CDH23: variants seen among roughly 807,000 people sequenced by gnomAD.
CDH23 encodes the protein cadherin related 23, also known as cadherin-23.
CDH23 carries 189 observed loss-of-function variants against 317.1 expected under a neutral mutation model. The ratio of observed to expected loss-of-function variants is 0.60; its 90% CI spans 0.53 to 0.67. The LOEUF is 0.67. CDH23 is among the 30% of genes least tolerant of loss of function. The pLI, the probability that CDH23 is intolerant of heterozygous loss-of-function variation, is 0.00. For missense variants in CDH23, 4,401 were observed against 4,592.4 expected (o/e 0.96, Z 1.20); for synonymous variants, 1,839 against 1,876.8 (o/e 0.98, Z 0.52).
At chr10:71,648,902 AACAGCTCTC>A (rs1380283987) in intron 14 of CDH23, among the ~76,000 whole-genome samples, 1 of 152,138 alleles carries the variant, frequency 6.6e-6, no homozygotes, top group Non-Finnish European at 1.5e-5. Flanking sequence ...TTCATCAGGT[AACAGCTCTC>A]ACAGCAGGAC....
chr10:71,620,201 C>A (rs1861395923), intron 11 of CDH23, among the ~76,000 whole-genome samples: 2 of 152,130 alleles, frequency 1.3e-5, no homozygotes, highest in Admixed American at 6.5e-5. Flanking sequence ...GACTTCTACC[C>A]AATGACTATT....
At position 71,712,964 on chromosome 10, in the gene CDH23, G is replaced by A. The variant is rs987212460; in HGVS notation, c.3369+151G>A. On this transcript the variant is annotated intron_variant, in intron 28 of 69. Coordinates refer to ENST00000224721, the MANE Select transcript of CDH23 (RefSeq NM_022124.6). ...GCTCTGGAAGGTGCTGTGGGGAAAG[G>A]GGGACCCAGGCCCTCTCCCATCCCA... 89 of 938,822 alleles carry A rather than the reference G, an allele frequency of 9.5e-5. 1 individual carries two copies. Among genetic ancestry groups the A allele is most frequent in the Non-Finnish European group, 5.0e-6 (3 of 597,404 alleles). 58.2% of individuals were successfully genotyped at this position (938,822 alleles called of 1,614,324 possible).
At chr10:71,732,516 C>A (rs1338375487) in intron 32 of CDH23, 141 bp downstream of exon 32, 33 of 1,367,712 alleles carry the variant, frequency 2.4e-5, no homozygotes, top group South Asian at 5.6e-5. Flanking sequence ...CCTGTAGTCC[C>A]AGCTGCTTGA....
chr10:71,712,945 G>A, intron 28 of CDH23, 132 bp downstream of exon 28: 2 of 1,097,156 alleles, frequency 1.8e-6, no homozygotes, highest in South Asian at 2.7e-5. Flanking sequence ...CGCTGCTCTG[G>A]AAGGTGCTGT....
In CDH23 at chr10:71,725,575, C is replaced by A. The variant is rs1460089933; in HGVS notation, c.3579+55C>A. On this transcript the variant is annotated intron_variant, in intron 30 of 69. Transcript: ENST00000224721. The stretch of plus-strand genomic sequence containing the variant: ...CCTCAGGACGGGGCCAAGCCCACAG[C>A]TAGAACAGAGAAGGCCATTAGTTGG... 6 of 1,569,832 alleles carry A rather than the reference C, an allele frequency of 3.8e-6. No individual in the cohort carries two copies. The African/African-American group carries it at 6.8e-5, about 18-fold the overall frequency.
At chr10:71,426,933 T>TCA (rs1849102975) in intron 1 of CDH23, among the ~76,000 whole-genome samples, 1 of 151,538 alleles carries the variant, frequency 6.6e-6, no homozygotes, top group Non-Finnish European at 1.5e-5. Flanking sequence ...ATTGCTTGAG[T>TCA]CCAGGAGTTT....
chr10:71,671,411 G>C (rs1332034639), intron 14 of CDH23, among the ~76,000 whole-genome samples: 1 of 152,148 alleles, frequency 6.6e-6, no homozygotes. Context: ...AACATTGCAG[G>C]GAAGGGGGTG....
In CDH23 at chr10:71,412,752, A is replaced by G. The variant is rs186940642; in HGVS notation, c.-6+15434A>G. Among the ~76,000 whole-genome samples the G allele has an allele frequency of 4.6e-5, 7 of 152,220 alleles. No individual in the cohort carries two copies. In the East Asian group the frequency reaches 1.4e-3, roughly 29 times the overall value. On this transcript the variant is annotated intron_variant, in intron 1 of 69. Transcript: ENST00000224721. ...CTGTGGTTTTGATTTGCATTTCCCTAATGGCTAGTGATGTTGAGCATCTTT... is the reference window on the plus strand; with the variant it reads ...CTGTGGTTTTGATTTGCATTTCCCTGATGGCTAGTGATGTTGAGCATCTTT...
In CDH23 at chr10:71,705,142, C is replaced by T; in HGVS notation, c.2953+12C>T. 1.2e-6 allele frequency: 2 copies of T among 1,604,398 alleles called. No homozygotes were observed. The highest frequency in any genetic ancestry group is 2.2e-5 in the South Asian group (2 of 90,532). ...GCTCACCATCCATGGTGAGGGGGCG[C>T]AGGGGCTTCTGCTGTGTGCTCAGTG... On this transcript the variant is annotated intron_variant, in intron 25 of 69. Coordinates refer to ENST00000224721, the MANE Select transcript of CDH23 (RefSeq NM_022124.6).
At chr10:71,689,586 C>A (rs748481621) in intron 19 of CDH23, among the ~76,000 whole-genome samples, 1 of 152,200 alleles carries the variant, frequency 6.6e-6, no homozygotes, top group Non-Finnish European at 1.5e-5. Flanking sequence ...CCTTGCCCCT[C>A]GGGACTGCTG....
chr10:71,433,479 T>C (rs1182932522), intron 1 of CDH23, among the ~76,000 whole-genome samples: 3 of 152,160 alleles, frequency 2.0e-5, no homozygotes, highest in African/African-American at 7.2e-5. Flanking sequence ...TTGGGAGCCC[T>C]GCTGATCTTG....
chr10:71,453,919 A>G (rs1850567172), intron 3 of CDH23, among the ~76,000 whole-genome samples: 2 of 152,216 alleles, frequency 1.3e-5, no homozygotes, highest in South Asian at 4.1e-4. Context: ...ATAGCCTGAT[A>G]GATATCAGCT....
At chr10:71,441,256 C>T (rs893726458) in intron 2 of CDH23, among the ~76,000 whole-genome samples, 2 of 152,164 alleles carry the variant, frequency 1.3e-5, no homozygotes, top group African/African-American at 4.8e-5. Context: ...CGCTCCCCCC[C>T]TGCCTCATGT....
chr10:71,671,811 C>T (rs779124637), intron 14 of CDH23, among the ~76,000 whole-genome samples: 3 of 152,202 alleles, frequency 2.0e-5, no homozygotes, highest in Admixed American at 6.5e-5. Flanking sequence ...CACTGCGCCT[C>T]TGTTTCCTCA....
chr10:71,600,364 G>A (rs1223314108), intron 9 of CDH23, among the ~76,000 whole-genome samples: 1 of 151,952 alleles, frequency 6.6e-6, no homozygotes, highest in Admixed American at 6.6e-5. Context: ...TTTGCAAAAA[G>A]GGCTCTGTGG....
intron 9 of CDH23, among the ~76,000 whole-genome samples, chr10:71,588,931 G>A (rs1484459416): frequency 6.6e-6 from 1 of 152,198 alleles, no homozygotes; most frequent in Non-Finnish European, 1.5e-5. Context: ...TCCCCCTGCT[G>A]CAGGCTGCAC....
intron 6 of CDH23, among the ~76,000 whole-genome samples, chr10:71,560,215 C>A (rs1196925847): frequency 2.0e-5 from 3 of 152,224 alleles, no homozygotes; most frequent in African/African-American, 7.2e-5. Context: ...AACCGAAGTG[C>A]AGATGTTTCT....
At chr10:71,485,838 A>G (rs945725262) in intron 3 of CDH23, among the ~76,000 whole-genome samples, 20 of 152,238 alleles carry the variant, frequency 1.3e-4, no homozygotes, top group Non-Finnish European at 2.6e-4. Flanking sequence ...ACAAAGCCAC[A>G]TTTGAACAGG....
intron 1 of CDH23, among the ~76,000 whole-genome samples, chr10:71,411,435 A>G (rs534559916): frequency 6.6e-6 from 1 of 152,284 alleles, no homozygotes; most frequent in Non-Finnish European, 1.5e-5. Context: ...AACTTGTCAT[A>G]TAGAAGTATA....
Sources: gnomAD v4.1 joint callset for allele counts (sites outside exome capture counted in the v4.1 genomes callset) on GRCh38, gnomAD v4.1.1 for gene constraint, MANE v1.5 for transcripts, NCBI Gene and HGNC (gene_info 2026-07-23, HGNC 2026-07-21) for gene names.